The following TM2D2 variants were observed in gnomAD, a reference collection of about 807,000 sequenced individuals.
TM2D2 encodes TM2 domain-containing protein 2.
Under a neutral mutation model 23.0 loss-of-function variants are expected in TM2D2, and 19 were observed. The observed-to-expected ratio is 0.82, with a 90% confidence interval of 0.58 to 1.21. The LOEUF is 1.21. TM2D2 is among the 50% of genes most tolerant of loss of function. The pLI is 0.00. For synonymous variants in TM2D2, 120 were observed against 108.8 expected (o/e 1.10, Z -0.64); for missense variants, 246 against 265.4 (o/e 0.93, Z 0.51).
intron 3 of TM2D2, 114 bp from the exon 4 acceptor site, chr8:38,991,659 T>C (rs1835605206): frequency 2.5e-6 from 2 of 797,684 alleles, no homozygotes; most frequent in Admixed American, 2.3e-5. Flanking sequence ...CTGTGGCCTT[T>C]TACCCTCCAT....
chr8:38,996,100 AG>A, intron 1 of TM2D2, 112 bp downstream of exon 1: 1 of 1,278,892 alleles, frequency 7.8e-7, no homozygotes, highest in Non-Finnish European at 1.1e-6. Context: ...GAACGACCTC[AG>A]AGAGGCAGGG....
intron 3 of TM2D2, 106 bp from the exon 4 acceptor site, chr8:38,991,651 G>C: frequency 1.2e-6 from 1 of 860,950 alleles, no homozygotes; most frequent in South Asian, 1.6e-5. Flanking sequence ...TGGACCCTCT[G>C]TGGCCTTTTA....
Position 38,995,729 on chromosome 8 carries a change from C to T in TM2D2, c.228-324G>A, listed in dbSNP as rs549305212. 1.2e-4 allele frequency: 153 copies of T among 1,290,604 alleles called. 3 individuals carry two copies. In the South Asian group the frequency reaches 3.2e-3, roughly 27 times the overall value. The allele number at this position is 1,290,604 out of a possible 1,614,324, so 79.9% of individuals were successfully genotyped here. On this transcript the variant is annotated intron_variant, in intron 1 of 3. Transcript: ENST00000456397. ...AATTTAAGCCAAAGTATTCTCAGTC[C>T]TCTTTGCATTTCCCAAATGCCTTTT...
In TM2D2 at chr8:38,996,461, G is replaced by A. The variant is rs779731780; in HGVS notation, c.-22C>T. On this transcript the variant is annotated 5_prime_UTR_variant, in exon 1 of 4. Coordinates refer to ENST00000456397, the MANE Select transcript of TM2D2 (RefSeq NM_078473.3). ...CCATCTTCCCGGGCACAGGAGCGGAGACCCGGCCTCAACCACAACCCCAGG... is the reference window on the plus strand; with the variant it reads ...CCATCTTCCCGGGCACAGGAGCGGAAACCCGGCCTCAACCACAACCCCAGG... The A allele has an allele frequency of 1.1e-5, 17 of 1,613,250 alleles. No individual in the cohort carries two copies. Among genetic ancestry groups the A allele is most frequent in the African/African-American group, 1.3e-5 (1 of 74,928 alleles).
chr8:38,996,580 A>G (rs1835810469), upstream of TM2D2: 2 of 1,465,662 alleles, frequency 1.4e-6, no homozygotes, highest in Non-Finnish European at 1.8e-6. Flanking sequence ...GCGCAGCTCG[A>G]CGCTCCGCGC....
upstream of TM2D2, chr8:38,996,811 C>G (rs1349982392): frequency 3.5e-6 from 5 of 1,432,622 alleles, no homozygotes; most frequent in Non-Finnish European, 3.6e-6. Context: ...TTGCCACCGC[C>G]GGTTTAGAAA....
rs1835587832 is a variant in TM2D2 at position 38,991,175 on chromosome 8, T to C, written c.*157A>G. The C allele has an allele frequency of 1.5e-6, 1 of 668,072 alleles. No homozygotes were observed. Among genetic ancestry groups the C allele is most frequent in the Non-Finnish European group, 2.5e-6 (1 of 395,224 alleles). 41.4% of individuals were successfully genotyped at this position (668,072 alleles called of 1,614,324 possible). On this transcript the variant is annotated 3_prime_UTR_variant, in exon 4 of 4. Transcript: ENST00000456397. The stretch of plus-strand genomic sequence containing the variant: ...TGCAAGGTAAAATCTGGGTTGAAAT[T>C]CCAAAGTCCAAAGAAGCCTTCTTAA...
chr8:38,991,722 A>C (rs1360490982), intron 3 of TM2D2, among the ~76,000 whole-genome samples, 177 bp from the exon 4 acceptor site: 2 of 152,242 alleles, frequency 1.3e-5, no homozygotes, highest in Middle Eastern at 3.4e-3. Context: ...GGAAAAACCA[A>C]AGTTTATTAT....
upstream of TM2D2, chr8:38,996,923 C>A (rs1288866476): frequency 7.2e-7 from 1 of 1,394,510 alleles, no homozygotes; most frequent in Non-Finnish European, 9.6e-7. Flanking sequence ...CAGTGCCGCG[C>A]GCGTGCTCGT....
In TM2D2 at chr8:38,995,330, A is replaced by C; in HGVS notation, c.303T>G (p.Tyr101Ter). Residue 101 changes from tyrosine (Y) to a stop codon, truncating the protein, a stop_gained, in exon 2 of 4, where the codon TAT becomes TAG. Coordinates refer to ENST00000456397, the MANE Select transcript of TM2D2 (RefSeq NM_078473.3). LOFTEE classifies it high-confidence loss of function. ...AACAAAAACTCACCTTGAGACAACC[A>C]TAACCAAGTTCCTGGGATGCAGTTG... ...GNATASQELG[Y>*]GCLKFGGQAY... 1.9e-6 allele frequency: 3 copies of C among 1,598,288 alleles called. No homozygotes were observed. Among genetic ancestry groups the C allele is most frequent in the Non-Finnish European group, 2.6e-6 (3 of 1,174,568 alleles).
intron 2 of TM2D2, among the ~76,000 whole-genome samples, chr8:38,994,588 C>T (rs1835698743): frequency 6.6e-6 from 1 of 152,112 alleles, no homozygotes; most frequent in African/African-American, 2.4e-5. Context: ...TGATTTAGTA[C>T]AAAACATGCC....
At chr8:38,994,529 A>G (rs1031759211) in intron 2 of TM2D2, among the ~76,000 whole-genome samples, 2 of 152,214 alleles carry the variant, frequency 1.3e-5, no homozygotes, top group Admixed American at 1.3e-4. Flanking sequence ...TGATTTCAGT[A>G]AGAGTTGCCC....
chr8:38,996,401 C>G lies in TM2D2; in HGVS notation c.39G>C (p.Leu13=). The change falls in exon 1 of 4, where the codon CTG becomes CTC. Residue 13 remains leucine (L), a synonymous_variant. Coordinates refer to ENST00000456397, the MANE Select transcript of TM2D2 (RefSeq NM_078473.3). Reference sequence around the variant, plus strand: ...CCAGCAGCAAAGCCGCCTGGCCGCACAGAAGTAAGTAACTAACCGGGCAAC... The same window carrying G: ...CCAGCAGCAAAGCCGCCTGGCCGCAGAGAAGTAAGTAACTAACCGGGCAAC... ...LGGCPVSYLL[L]CGQAALLLGN... 1 of 1,614,232 alleles carries G rather than the reference C, an allele frequency of 6.2e-7. No homozygotes were observed.
chr8:38,992,303 CAAAAAAA>C (rs11332696), intron 3 of TM2D2, among the ~76,000 whole-genome samples: 3 of 47,392 alleles, frequency 6.3e-5, no homozygotes, highest in African/African-American at 2.7e-4. Context: ...CTGTTTCTAC[CAAAAAAA>C]AAAAAAAAAA....
chr8:38,993,506 C>T lies in TM2D2; in HGVS notation c.431+39G>A, dbSNP rs146048783. Reference sequence around the variant, plus strand: ...AAGACAAGGAAAATGGCTCTACCTCCAACCAAGTACCAACTACTCCAATCA... The same window carrying T: ...AAGACAAGGAAAATGGCTCTACCTCTAACCAAGTACCAACTACTCCAATCA... On this transcript the variant is annotated intron_variant, in intron 3 of 3. Coordinates refer to ENST00000456397, the MANE Select transcript of TM2D2 (RefSeq NM_078473.3). 440 of 1,482,932 alleles carry T rather than the reference C, an allele frequency of 3.0e-4. 2 individuals carry two copies. In the African/African-American group the frequency reaches 5.5e-3, roughly 19 times the overall value. 91.9% of individuals were successfully genotyped at this position (1,482,932 alleles called of 1,614,324 possible). A position where few individuals can be genotyped will look rare whatever the true frequency, so the allele number is the denominator to read the frequency against.
intron 2 of TM2D2, 101 bp downstream of exon 2, chr8:38,995,217 C>G (rs1835722349): frequency 1.2e-6 from 1 of 865,608 alleles, no homozygotes; most frequent in Admixed American, 2.8e-5. Context: ...TGAGGAAATT[C>G]TTCAAAAAAC....
At chr8:38,996,525 T>TCCGCGTAGCCCCGC (rs376912541), upstream of TM2D2, 84 of 1,551,870 alleles carry the variant, frequency 5.4e-5, no homozygotes, top group East Asian at 9.3e-5. Context: ...GTCAGGCCTT[T>TCCGCGTAGCCCCGC]CCGCGTAGCC....
At chr8:38,994,385 TAAG>T (rs1378626761) in intron 2 of TM2D2, among the ~76,000 whole-genome samples, 1 of 152,156 alleles carries the variant, frequency 6.6e-6, no homozygotes, top group African/African-American at 2.4e-5. Context: ...GACTGGGAAA[TAAG>T]AATGCTTACA....
At chr8:38,995,522 G>C (rs1160155925) in intron 1 of TM2D2, 117 bp from the exon 2 acceptor site, 1 of 1,561,396 alleles carries the variant, frequency 6.4e-7, no homozygotes, top group Non-Finnish European at 8.6e-7. Context: ...CTGGGGTTCG[G>C]TTTCACCCTG....
Sources: gnomAD v4.1 joint callset for allele counts (sites outside exome capture counted in the v4.1 genomes callset) on GRCh38, gnomAD v4.1.1 for gene constraint, MANE v1.5 for transcripts, NCBI Gene and HGNC (gene_info 2026-07-23, HGNC 2026-07-21) for gene names.